Variants in SPATA25 observed in about 807,000 individuals in gnomAD.
SPATA25 encodes the protein spermatogenesis associated 25.
In SPATA25, 16 loss-of-function variants were observed where a neutral mutation model predicts 16.0. The observed-to-expected ratio is 1.00, with a 90% CI of 0.68 to 1.52. SPATA25 has a LOEUF of 1.52. Among genes scored for constraint, SPATA25 ranks in the 40% most tolerant of loss-of-function variants. The pLI, the probability that SPATA25 is intolerant of heterozygous loss-of-function variation, is 0.00. For missense variants in SPATA25, 285 were observed against 289.2 expected, an observed-to-expected ratio of 0.99 and a Z score of 0.11; for synonymous variants, 115 against 118.5, an observed-to-expected ratio of 0.97 and a Z score of 0.19.
rs759187645 is a variant in SPATA25 at position 45,886,989 on chromosome 20, C to G, written c.212G>C (p.Arg71Thr). 6.2e-7 allele frequency: 1 copy of G among 1,613,902 alleles called. No individual in the cohort carries two copies. The highest frequency in any genetic ancestry group is 8.5e-7 in the Non-Finnish European group (1 of 1,180,034). Residue 71 changes from arginine to threonine, a missense_variant, in exon 2 of 2, where the codon AGG becomes ACG. Physicochemically the swap from Arg to Thr is moderately conservative, Grantham distance 71. Coordinates refer to ENST00000372519, the MANE Select transcript of SPATA25 (RefSeq NM_080608.4). ...CCAGCTAGTCCCCCCAGGGCAGCCC[C>G]TGGCTTGTGGCATTGCCAGGGCTGG... The part of the protein sequence containing the change: ...WGPALAMPQA[R>T]GCPGGTSWET...
rs1428782379 is a variant in SPATA25 at position 45,887,015 on chromosome 20, G to A, written c.186C>T (p.Gly62=). 4 of 1,613,258 alleles carry A rather than the reference G, an allele frequency of 2.5e-6. No homozygotes were observed. ...EQVAPAAQAW[G]PALAMPQARG... ...TGGCTTGTGGCATTGCCAGGGCTGG[G>A]CCCCAGGCCTGGGCAGCAGGTGCCA... Residue 62 remains glycine (G), a synonymous_variant, in exon 2 of 2, where the codon GGC becomes GGT. Transcript: ENST00000372519.
chr20:45,886,512 T>C lies in SPATA25; in HGVS notation c.*5A>G. 6.4e-7 allele frequency: 1 copy of C among 1,558,150 alleles called. No individual in the cohort carries two copies. Among genetic ancestry groups the C allele is most frequent in the South Asian group, 1.2e-5 (1 of 84,536 alleles). On this transcript the variant is annotated 3_prime_UTR_variant, in exon 2 of 2. Transcript: ENST00000372519. ...ACCCTACATATCTGGTGCTATTTCA[T>C]CCATCTACAAGCAGGAGCCAGGAGG...
chr20:45,886,547 T>G lies in SPATA25; in HGVS notation c.654A>C (p.Lys218Asn), dbSNP rs1226994182. ...AGCAGGAGCCAGGAGGCTGGCCCCT[T>G]TTAGATCTCACTAGGGGCATCTTCC... Reference protein sequence around the residue: ...ASGKMPLVRSKRGQPPGSCL With the variant: ...ASGKMPLVRSNRGQPPGSCL Residue 218 changes from lysine to asparagine, a missense_variant, in exon 2 of 2, where the codon AAA becomes AAC. By Grantham distance (94) the Lys-to-Asn change is moderately conservative. Transcript: ENST00000372519. 1.3e-6 allele frequency: 2 copies of G among 1,592,016 alleles called. No homozygotes were observed. Among genetic ancestry groups the G allele is most frequent in the South Asian group, 2.2e-5 (2 of 89,812 alleles).
upstream of SPATA25, chr20:45,890,944 G>T (rs546934216): frequency 6.6e-6 from 10 of 1,513,896 alleles, no homozygotes; most frequent in African/African-American, 1.4e-5. Flanking sequence ...CCGGGCGCTC[G>T]AGTCCCCAGA....
chr20:45,890,971 G>A (rs1238313589), upstream of SPATA25: 2 of 1,494,344 alleles, frequency 1.3e-6, no homozygotes, highest in African/African-American at 1.4e-5. Flanking sequence ...CCGAATCCAC[G>A]GGCTCGGAGG....
upstream of SPATA25, among the ~76,000 whole-genome samples, chr20:45,889,048 C>T (rs773268975): frequency 6.6e-6 from 1 of 152,196 alleles, no homozygotes; most frequent in African/African-American, 2.4e-5. Flanking sequence ...CTGAGAGCTG[C>T]CACAAAGCTG....
intron 1 of SPATA25, 107 bp from the exon 2 acceptor site, chr20:45,887,252 C>T: frequency 7.4e-7 from 1 of 1,359,620 alleles, no homozygotes; most frequent in Non-Finnish European, 9.9e-7. Context: ...AAGACCAGCC[C>T]CAGCGGACTG....
At chr20:45,890,268 C>T, upstream of SPATA25, 1 of 1,613,830 alleles carries the variant, frequency 6.2e-7, no homozygotes. Context: ...TCGAGCTGGA[C>T]AAGGCGCACG....
At chr20:45,890,724 G>A (rs147002068), upstream of SPATA25, 68 of 1,613,464 alleles carry the variant, frequency 4.2e-5, no homozygotes, top group African/African-American at 8.1e-4. Context: ...AGACTGGCGG[G>A]GTCCAGCGCG....
At chr20:45,890,215 T>A (rs1185536472), upstream of SPATA25, 1 of 1,612,944 alleles carries the variant, frequency 6.2e-7, no homozygotes, top group Non-Finnish European at 8.5e-7. Context: ...GTCCCCACAC[T>A]GAGCCAGGAG....
chr20:45,888,395 A>G (rs1986563115), upstream of SPATA25, among the ~76,000 whole-genome samples: 1 of 152,228 alleles, frequency 6.6e-6, no homozygotes. Flanking sequence ...CTGGCTGTAC[A>G]TGAGAATCTC....
chr20:45,890,489 T>C, upstream of SPATA25: 1 of 1,598,840 alleles, frequency 6.3e-7, no homozygotes, highest in Admixed American at 1.7e-5. Context: ...GAGATGGCTG[T>C]AGAGCCCTGG....
In SPATA25 at chr20:45,886,921, G is replaced by A; in HGVS notation, c.280C>T (p.Pro94Ser). Reference sequence around the variant, plus strand: ...AAGCTCTCCAGCTGCCTCACATGCGGGAATTTGTGGCAGTTTCGGCTGTAT... The same window carrying A: ...AAGCTCTCCAGCTGCCTCACATGCGAGAATTTGTGGCAGTTTCGGCTGTAT... ...KEYSRNCHKF[P>S]HVRQLESLGW... Residue 94 changes from proline (P) to serine (S), a missense_variant, in exon 2 of 2, where the codon CCG (proline) becomes TCG (serine). Coordinates refer to ENST00000372519, the MANE Select transcript of SPATA25 (RefSeq NM_080608.4). 1 of 1,614,206 alleles carries A rather than the reference G, an allele frequency of 6.2e-7. No homozygotes were observed. Among genetic ancestry groups the A allele is most frequent in the Non-Finnish European group, 8.5e-7 (1 of 1,180,052 alleles).
Position 45,886,525 on chromosome 20 carries a change from A to T in SPATA25, c.676T>A (p.Cys226Ser). 1 of 1,569,428 alleles carries T rather than the reference A, an allele frequency of 6.4e-7. No homozygotes were observed. Among genetic ancestry groups the T allele is most frequent in the Non-Finnish European group, 8.7e-7 (1 of 1,153,472 alleles). ...RSKRGQPPGS[C>S]L is the part of the protein sequence containing the mutation. ...GGTGCTATTTCATCCATCTACAAGC[A>T]GGAGCCAGGAGGCTGGCCCCTTTTA... Residue 226 changes from cysteine (C) to serine (S), a missense_variant, in exon 2 of 2, where the codon TGC (cysteine) becomes AGC (serine). Transcript: ENST00000372519.
upstream of SPATA25, chr20:45,890,036 G>T: frequency 8.4e-6 from 5 of 595,156 alleles, no homozygotes; most frequent in South Asian, 1.0e-4. Flanking sequence ...GGAACTTGTA[G>T]GGCATCTTAA....
At chr20:45,889,220 GAGGT>G (rs1361973637), upstream of SPATA25, among the ~76,000 whole-genome samples, 1 of 152,216 alleles carries the variant, frequency 6.6e-6, no homozygotes, top group Non-Finnish European at 1.5e-5. Flanking sequence ...AATGTGATGA[GAGGT>G]ATAACTGCAA....
At chr20:45,890,755 T>A, upstream of SPATA25, 1 of 1,612,766 alleles carries the variant, frequency 6.2e-7, no homozygotes, top group Non-Finnish European at 8.5e-7. Context: ...GACGCAGATG[T>A]CCGCACCAGC....
chr20:45,887,685 C>G (rs771042831), upstream of SPATA25: 3 of 1,177,558 alleles, frequency 2.5e-6, no homozygotes, highest in Non-Finnish European at 3.7e-6. Flanking sequence ...AGACCCTCCC[C>G]TTCACACTTG....
At position 45,886,626 on chromosome 20, in the gene SPATA25, T is replaced by C. The variant is rs763396645; in HGVS notation, c.575A>G (p.Glu192Gly). Residue 192 changes from glutamate (E) to glycine (G), a missense_variant, in exon 2 of 2, where the codon GAG becomes GGG. Physicochemically the swap from Glu to Gly is moderately conservative, Grantham distance 98. Transcript: ENST00000372519. The stretch of plus-strand genomic sequence containing the variant: ...CCACCGCGCCCCCTCCACAGCACCC[T>C]CTGGCTCCGGATGGGCCATCATGAA... ...QAFMMAHPEP[E>G]GAVEGARWEQ... 2.5e-6 allele frequency: 4 copies of C among 1,613,938 alleles called. No individual in the cohort carries two copies. Among genetic ancestry groups the C allele is most frequent in the Non-Finnish European group, 3.4e-6 (4 of 1,180,050 alleles).
Sources: gnomAD v4.1 joint callset for allele counts (sites outside exome capture counted in the v4.1 genomes callset) on GRCh38, gnomAD v4.1.1 for gene constraint, MANE v1.5 for transcripts, NCBI Gene and HGNC (gene_info 2026-07-23, HGNC 2026-07-21) for gene names.